The following KIF6 variants were observed in gnomAD, a reference collection of about 807,000 sequenced individuals.
KIF6 encodes the protein kinesin-like protein KIF6.
In KIF6, 106 loss-of-function variants were observed where a neutral mutation model predicts 112.7. The observed-to-expected ratio is 0.94, with a 90% confidence interval of 0.80 to 1.11. The LOEUF is 1.11. Ranked by LOEUF, KIF6 falls within the 50% of genes least tolerant of loss-of-function variation. The pLI is 0.00. For missense variants in KIF6, 929 were observed against 964.0 expected, an observed-to-expected ratio of 0.96 and a Z score of 0.48; for synonymous variants, 339 against 339.9, an observed-to-expected ratio of 1.00 and a Z score of 0.03.
At chr6:39,510,309 G>A (rs1319501077) in intron 13 of KIF6, among the ~76,000 whole-genome samples, 1 of 151,890 alleles carries the variant, frequency 6.6e-6, no homozygotes, top group Non-Finnish European at 1.5e-5. Flanking sequence ...AGCCAGGATG[G>A]GCTAGATCTC....
intron 3 of KIF6, among the ~76,000 whole-genome samples, chr6:39,673,860 T>C (rs1285947954): frequency 6.6e-6 from 1 of 152,160 alleles, no homozygotes; most frequent in African/African-American, 2.4e-5. Context: ...GCTCTTTCAC[T>C]GAAAACTGTT....
chr6:39,436,621 A>G (rs1771551593), intron 13 of KIF6, among the ~76,000 whole-genome samples: 1 of 152,030 alleles, frequency 6.6e-6, no homozygotes, highest in Admixed American at 6.6e-5. Context: ...TATTAAATAT[A>G]GTGTCCTTTC....
intron 13 of KIF6, among the ~76,000 whole-genome samples, chr6:39,435,622 G>A (rs1366660949): frequency 2.0e-5 from 3 of 150,756 alleles, no homozygotes; most frequent in Admixed American, 6.6e-5. Flanking sequence ...GTGAGAATAT[G>A]TGGTATTTTG....
intron 5 of KIF6, among the ~76,000 whole-genome samples, chr6:39,616,281 C>T (rs1183038220): frequency 6.6e-6 from 1 of 152,218 alleles, no homozygotes; most frequent in Non-Finnish European, 1.5e-5. Context: ...TCTACATTTA[C>T]TTCCAGGTGC....
chr6:39,475,887 T>C (rs1423545209), intron 13 of KIF6, among the ~76,000 whole-genome samples: 1 of 152,174 alleles, frequency 6.6e-6, no homozygotes, highest in Non-Finnish European at 1.5e-5. Context: ...AACAAGATCA[T>C]GTCCTTTGCA....
chr6:39,627,295 T>A (rs1784139489), intron 5 of KIF6, among the ~76,000 whole-genome samples: 1 of 152,202 alleles, frequency 6.6e-6, no homozygotes, highest in Admixed American at 6.5e-5. Flanking sequence ...TCTCTTGCAT[T>A]GATGTGATTT....
chr6:39,434,717 G>A (rs896414127), intron 13 of KIF6, among the ~76,000 whole-genome samples: 3 of 152,144 alleles, frequency 2.0e-5, no homozygotes, highest in Non-Finnish European at 2.9e-5. Context: ...GACTCTCAGC[G>A]AGAGTGGGAG....
At chr6:39,466,859 G>A (rs997716412) in intron 13 of KIF6, among the ~76,000 whole-genome samples, 5 of 152,170 alleles carry the variant, frequency 3.3e-5, no homozygotes, top group African/African-American at 1.2e-4. Context: ...ACCAGGTCTC[G>A]ATTGCCTTTG....
At chr6:39,404,837 AT>A (rs140318792) in intron 15 of KIF6, among the ~76,000 whole-genome samples, 113 of 151,150 alleles carry the variant, frequency 7.5e-4, no homozygotes, top group African/African-American at 1.9e-3. Flanking sequence ...GTCTTTTTTG[AT>A]TTTTTTTATT....
rs183889097 is a variant in KIF6, at chr6:39,514,439, C to T, written c.1645+25564G>A. On this transcript the variant is annotated intron_variant, in intron 13 of 22. Transcript: ENST00000287152. Reference sequence around the variant, plus strand: ...AAGCAGAAAGGAGGACATGTGAGATCGAAACGGTCAGAAAAACCTCTTTAA... The same window carrying T: ...AAGCAGAAAGGAGGACATGTGAGATTGAAACGGTCAGAAAAACCTCTTTAA... Among the ~76,000 whole-genome samples, 7 of 152,246 alleles carry T rather than the reference C, an allele frequency of 4.6e-5. No homozygotes were observed. The East Asian group carries it at 9.6e-4, about 21-fold the overall frequency.
Position 39,385,671 on chromosome 6 carries a change from A to G in KIF6, c.1812T>C (p.Gly604=). ...GCTGGGTGATTTCTTCCTTCAGGTG[A>G]CCTGCCAAAGACACAAAAGAAAACT... ...ESINEARSKI[G]HLKEEITQRH... The change falls in exon 16 of 23, where the codon GGT becomes GGC. Residue 604 remains glycine (G), a splice_region_variant and synonymous_variant. Transcript: ENST00000287152. 1 of 1,612,926 alleles carries G rather than the reference A, an allele frequency of 6.2e-7. No homozygotes were observed. Among genetic ancestry groups the G allele is most frequent in the Non-Finnish European group, 8.5e-7 (1 of 1,179,290 alleles).
In KIF6 at chr6:39,455,941, A is replaced by G. The variant is rs1161200734; in HGVS notation, c.1646-24780T>C. ...GGAGAATGGAACCAAGTTGGAAAACACTCTGCAGGATATTATCCAGGAGAA... is the reference window on the plus strand; with the variant it reads ...GGAGAATGGAACCAAGTTGGAAAACGCTCTGCAGGATATTATCCAGGAGAA... On this transcript the variant is annotated intron_variant, in intron 13 of 22. Coordinates refer to ENST00000287152, the MANE Select transcript of KIF6 (RefSeq NM_145027.6). Among the ~76,000 whole-genome samples the G allele has an allele frequency of 1.0e-3, 94 of 94,324 alleles. 2 individuals are homozygous for G. The Admixed American group carries it at 0.01, about 10-fold the overall frequency. The allele number at this position is 94,324 out of a possible 152,430, so 61.9% of individuals were successfully genotyped here. A position where few individuals can be genotyped will look rare whatever the true frequency, so the allele number is the denominator to read the frequency against.
At chr6:39,493,850 G>GC (rs1775620159) in intron 13 of KIF6, among the ~76,000 whole-genome samples, 5 of 152,180 alleles carry the variant, frequency 3.3e-5, no homozygotes, top group African/African-American at 7.2e-5. Flanking sequence ...CTTGCAGTAA[G>GC]ATGGAGTTCA....
intron 13 of KIF6, among the ~76,000 whole-genome samples, chr6:39,451,140 C>G (rs1460749152): frequency 6.6e-6 from 1 of 152,130 alleles, no homozygotes; most frequent in African/African-American, 2.4e-5. Flanking sequence ...CAAGTATTTA[C>G]TCAGTGGCCA....
chr6:39,370,610 C>T (rs1430500897), intron 16 of KIF6, among the ~76,000 whole-genome samples: 2 of 152,186 alleles, frequency 1.3e-5, no homozygotes, highest in Admixed American at 6.5e-5. Context: ...GGCTAGACAA[C>T]CCAAACACTC....
At chr6:39,622,674 T>G (rs921237376) in intron 5 of KIF6, among the ~76,000 whole-genome samples, 2 of 152,224 alleles carry the variant, frequency 1.3e-5, no homozygotes, top group South Asian at 4.1e-4. Context: ...CAGATTCTCT[T>G]GCAACTAAGG....
intron 15 of KIF6, among the ~76,000 whole-genome samples, chr6:39,406,278 G>C (rs932473185): frequency 6.6e-6 from 1 of 152,184 alleles, no homozygotes; most frequent in African/African-American, 2.4e-5. Flanking sequence ...ATAGTGCTGG[G>C]ATTACAGGCC....
intron 22 of KIF6, among the ~76,000 whole-genome samples, chr6:39,340,916 T>C (rs1180897216): frequency 6.6e-6 from 1 of 152,140 alleles, no homozygotes; most frequent in Non-Finnish European, 1.5e-5. Context: ...AAGGGATATC[T>C]CAGCTCAAAG....
At chr6:39,591,790 A>G (rs1781965635) in intron 7 of KIF6, among the ~76,000 whole-genome samples, 1 of 152,150 alleles carries the variant, frequency 6.6e-6, no homozygotes, top group East Asian at 1.9e-4. Flanking sequence ...AATGATCTGA[A>G]AGGCACAGGA....
Sources: allele counts gnomAD v4.1 joint callset (sites outside exome capture counted in the v4.1 genomes callset), GRCh38; gene constraint gnomAD v4.1.1; transcripts MANE v1.5; gene names NCBI Gene and HGNC (gene_info 2026-07-23, HGNC 2026-07-21).